The following CPEB2 variants were observed in gnomAD, a reference collection of about 807,000 sequenced individuals.
CPEB2 encodes the protein cytoplasmic polyadenylation element-binding protein 2.
Under a neutral mutation model 93.6 loss-of-function variants are expected in CPEB2, and 56 were observed. That is an observed-to-expected ratio of 0.60 (90% CI 0.48 to 0.75). The LOEUF (loss-of-function observed/expected upper bound fraction) is 0.75. Among genes scored for constraint, CPEB2 ranks in the 30% least tolerant of loss-of-function variants. CPEB2 has a pLI of 0.00. For synonymous variants in CPEB2, 764 were observed against 586.3 expected (o/e 1.30, Z -4.38); for missense variants, 1,579 against 1,395.1 (o/e 1.13, Z -2.10).
intron 4 of CPEB2, among the ~76,000 whole-genome samples, chr4:15,019,972 C>G (rs553641996): frequency 6.6e-6 from 1 of 152,174 alleles, no homozygotes; most frequent in South Asian, 2.1e-4. Context: ...AACATACTGG[C>G]TGAGGCTGCA....
chr4:15,055,287 T>TAG (rs1728607024), intron 8 of CPEB2, among the ~76,000 whole-genome samples: 1 of 152,172 alleles, frequency 6.6e-6, no homozygotes, highest in South Asian at 2.1e-4. Context: ...CCCAGGCCTC[T>TAG]ATGAGAATCT....
At position 15,040,503 on chromosome 4, in the gene CPEB2, T is replaced by A; in HGVS notation, c.2200+16T>A. ...CGAAGACGAGGTAATTCATTTCTGT[T>A]TGCTATGGTATAATTGTTTCTAATG... On this transcript the variant is annotated intron_variant, in intron 6 of 11. Coordinates refer to ENST00000538197, the MANE Select transcript of CPEB2 (RefSeq NM_001177382.2). The A allele has an allele frequency of 2.6e-6, 4 of 1,535,142 alleles. No individual in the cohort carries two copies. The highest frequency in any genetic ancestry group is 3.5e-6 in the Non-Finnish European group (4 of 1,145,928).
rs1722493502 is a variant in CPEB2, at chr4:15,004,381, T to TGGGCGGGGGACGG, written c.1662+47_1662+59dup. The TGGGCGGGGGACGG allele has an allele frequency of 2.3e-6, 3 of 1,317,126 alleles. No homozygotes were observed. The South Asian group carries it at 4.7e-5, about 21-fold the overall frequency. The allele number at this position is 1,317,126 out of a possible 1,614,324, so 81.6% of individuals were successfully genotyped here. On this transcript the variant is annotated intron_variant, in intron 1 of 11. Transcript: ENST00000538197. ...GCCGCGCCGCGGGACCGGGAGACCA[T>TGGGCGGGGGACGG]GGGCGGGGGACGGAGGCGGGGGCAG...
chr4:15,065,061 T>TAAACA lies in CPEB2; in HGVS notation c.2878-1090_2878-1086dup, dbSNP rs779623336. On this transcript the variant is annotated intron_variant, in intron 11 of 11. Coordinates refer to ENST00000538197, the MANE Select transcript of CPEB2 (RefSeq NM_001177382.2). ...TATCCTAATCCTAATCAATGAAATA[T>TAAACA]AAACAACAATGTAATTCCATTACCT... Among the ~76,000 whole-genome samples the TAAACA allele has an allele frequency of 1.4e-4, 21 of 152,250 alleles. 1 individual carries two copies. Among genetic ancestry groups the TAAACA allele is most frequent in the Admixed American group, 1.1e-3 (17 of 15,272 alleles).
intron 3 of CPEB2, among the ~76,000 whole-genome samples, chr4:15,014,162 A>C (rs1007217755): frequency 6.6e-6 from 1 of 152,052 alleles, no homozygotes; most frequent in African/African-American, 2.4e-5. Context: ...AGAAAAAGGA[A>C]GTTACTTGGG....
chr4:15,015,698 A>G (rs1724050433), intron 3 of CPEB2, among the ~76,000 whole-genome samples: 1 of 152,004 alleles, frequency 6.6e-6, no homozygotes, highest in African/African-American at 2.4e-5. Flanking sequence ...TCTTCGGGAA[A>G]AAAAGAAATT....
intron 5 of CPEB2, among the ~76,000 whole-genome samples, chr4:15,033,640 ACT>A (rs955156327): frequency 1.3e-5 from 2 of 152,188 alleles, no homozygotes; most frequent in African/African-American, 2.4e-5. Context: ...TATACTGGTA[ACT>A]CTATAAATAT....
chr4:15,007,808 G>A (rs190470374), intron 2 of CPEB2, among the ~76,000 whole-genome samples: 31 of 152,220 alleles, frequency 2.0e-4, no homozygotes, highest in African/African-American at 6.3e-4. Flanking sequence ...TTAGTAAAAC[G>A]TAGAAAAACC....
intron 4 of CPEB2, among the ~76,000 whole-genome samples, chr4:15,030,666 A>G (rs547724907): frequency 6.6e-6 from 1 of 152,272 alleles, no homozygotes; most frequent in South Asian, 2.1e-4. Context: ...ATCTTTAAAA[A>G]TGAGTCTAAA....
Position 15,003,354 on chromosome 4 carries a change from C to G in CPEB2, c.681C>G (p.Arg227=), listed in dbSNP as rs1396395896. The change falls in exon 1 of 12, where the codon CGC becomes CGG. Residue 227 remains arginine (R), a synonymous_variant. Coordinates refer to ENST00000538197, the MANE Select transcript of CPEB2 (RefSeq NM_001177382.2). The stretch of plus-strand genomic sequence containing the variant: ...TCCAGCCGGCGCAGCTCGCTCAGCG[C>G]CAGCAGCAACAGCCGCCGCAGCAGT... ...PLLQPAQLAQ[R]QQQQPPQQFS... 2.2e-6 allele frequency: 3 copies of G among 1,389,340 alleles called. No homozygotes were observed. The highest frequency in any genetic ancestry group is 2.8e-6 in the Non-Finnish European group (3 of 1,084,716). The allele number at this position is 1,389,340 out of a possible 1,614,324, so 86.1% of individuals were successfully genotyped here.
intron 4 of CPEB2, 121 bp downstream of exon 4, chr4:15,017,399 A>G: frequency 2.2e-6 from 1 of 462,520 alleles, no homozygotes. Context: ...TCTCTTACAC[A>G]TTTATTAATG....
intron 3 of CPEB2, among the ~76,000 whole-genome samples, chr4:15,016,455 A>G (rs968853969): frequency 1.3e-5 from 2 of 151,954 alleles, no homozygotes; most frequent in African/African-American, 4.8e-5. Context: ...GATTCTGATA[A>G]CAAGACTTTG....
At chr4:15,040,417 T>A in intron 5 of CPEB2, 47 bp from the exon 6 acceptor site, 1 of 1,523,318 alleles carries the variant, frequency 6.6e-7, no homozygotes, top group Non-Finnish European at 8.8e-7. Context: ...TATGTGGGCT[T>A]ATTTTTAGTT....
intron 2 of CPEB2, 40 bp from the exon 3 acceptor site, chr4:15,008,298 C>A: frequency 2.1e-6 from 3 of 1,445,182 alleles, no homozygotes; most frequent in South Asian, 1.1e-5. Context: ...ATGGGGAAGA[C>A]AACTGCTCAT....
intron 3 of CPEB2, among the ~76,000 whole-genome samples, chr4:15,011,964 T>C (rs1364000880): frequency 1.5e-5 from 1 of 68,100 alleles, no homozygotes; most frequent in African/African-American, 9.4e-5. Flanking sequence ...TCCATTAATC[T>C]TTAATAGGCT....
intron 1 of CPEB2, 114 bp downstream of exon 1, chr4:15,004,449 G>C (rs1560209368): frequency 1.4e-6 from 1 of 716,328 alleles, no homozygotes; most frequent in African/African-American, 2.0e-5. Context: ...AAGCCGCGAC[G>C]GGGGCCACTC....
rs536283111 is a variant in CPEB2, at chr4:15,031,080, A to T, written c.2126-2081A>T. Among the ~76,000 whole-genome samples, 9 of 152,140 alleles carry T rather than the reference A, an allele frequency of 5.9e-5. No individual in the cohort carries two copies. In the East Asian group the frequency reaches 1.7e-3, roughly 29 times the overall value. ...ACTCTGTTGTGTTTTTTTATATAGCATTCTATACATAACTCTTTTAGCACC... is the reference window on the plus strand; with the variant it reads ...ACTCTGTTGTGTTTTTTTATATAGCTTTCTATACATAACTCTTTTAGCACC... On this transcript the variant is annotated intron_variant, in intron 4 of 11. Transcript: ENST00000538197.
chr4:15,004,521 G>A (rs1022101839), intron 1 of CPEB2, among the ~76,000 whole-genome samples, 186 bp downstream of exon 1: 28 of 152,104 alleles, frequency 1.8e-4, no homozygotes, highest in African/African-American at 6.5e-4. Flanking sequence ...CCCAGCCCCC[G>A]GTGGGTTGGG....
chr4:15,062,186 T>G lies in CPEB2; in HGVS notation c.2803T>G (p.Ser935Ala). ...AAAAGGTGCTGGGCGAGTTGCTTTC[T>G]CCAATCAGCAGAGCTATATTGCTGC... ...YPKGAGRVAF[S>A]NQQSYIAAIS... The change falls in exon 11 of 12, where the codon TCC (serine) becomes GCC (alanine). Residue 935 changes from serine (S) to alanine (A), a missense_variant. This residue lies in a region of CPEB2 where 168 missense variants were observed against 339.1 expected (regional missense o/e 0.50). Transcript: ENST00000538197. The G allele has an allele frequency of 6.2e-7, 1 of 1,613,138 alleles. No individual in the cohort carries two copies. Among genetic ancestry groups the G allele is most frequent in the African/African-American group, 1.3e-5 (1 of 74,948 alleles).
Sources: allele counts gnomAD v4.1 joint callset (sites outside exome capture counted in the v4.1 genomes callset), GRCh38; gene constraint gnomAD v4.1.1; regional missense constraint gnomAD v4.1.1; transcripts MANE v1.5; gene names NCBI Gene and HGNC (gene_info 2026-07-23, HGNC 2026-07-21).